The following PALLD variants were observed in gnomAD, a reference collection of about 807,000 sequenced individuals.
The protein encoded by PALLD is palladin.
PALLD carries 61 observed loss-of-function variants against 123.5 expected under a neutral mutation model. The ratio of observed to expected loss-of-function variants is 0.49; its 90% CI spans 0.40 to 0.61. PALLD has a LOEUF of 0.61. PALLD is among the 20% of genes least tolerant of loss of function. The probability of loss-of-function intolerance (pLI) is 0.00; values close to 1 mark genes in which losing one functional copy is unlikely to be tolerated. For missense variants in PALLD, 1,273 were observed against 1,377.0 expected, an observed-to-expected ratio of 0.92 and a Z score of 1.20; for synonymous variants, 465 against 496.4, an observed-to-expected ratio of 0.94 and a Z score of 0.84.
chr4:168,820,891 C>T (rs1373954145), intron 10 of PALLD, among the ~76,000 whole-genome samples: 50 of 152,058 alleles, frequency 3.3e-4, no homozygotes, highest in Non-Finnish European at 1.5e-4. Context: ...ATAAATTTTG[C>T]AATGTTGTAT....
At chr4:168,529,678 T>C (rs1764422233) in intron 2 of PALLD, among the ~76,000 whole-genome samples, 4 of 152,216 alleles carry the variant, frequency 2.6e-5, no homozygotes, top group Non-Finnish European at 5.9e-5. Flanking sequence ...ATGGCTTCTG[T>C]AGTGGGAGTT....
At position 168,551,014 on chromosome 4, in the gene PALLD, C is replaced by T. The variant is rs375752604; in HGVS notation, c.908+38602C>T. Among the ~76,000 whole-genome samples the T allele has an allele frequency of 5.9e-5, 9 of 152,266 alleles. No individual in the cohort carries two copies. In the South Asian group the frequency reaches 1.2e-3, roughly 21 times the overall value. ...CAAGAATTTTCACATTTTATAAATCCAGTGACAAAGTTTAGAGTTATCTAT... is the reference window on the plus strand; with the variant it reads ...CAAGAATTTTCACATTTTATAAATCTAGTGACAAAGTTTAGAGTTATCTAT... On this transcript the variant is annotated intron_variant, in intron 2 of 21. Coordinates refer to ENST00000505667, the MANE Select transcript of PALLD (RefSeq NM_001166108.2).
chr4:168,499,212 G>GA (rs1262051149), intron 1 of PALLD, among the ~76,000 whole-genome samples: 1 of 120,960 alleles, frequency 8.3e-6, no homozygotes, highest in Non-Finnish European at 1.7e-5. Context: ...AAAAAGGAAG[G>GA]AAGAAAGAAA....
At chr4:168,888,593 T>A (rs1287714628) in intron 10 of PALLD, among the ~76,000 whole-genome samples, 1 of 152,216 alleles carries the variant, frequency 6.6e-6, no homozygotes, top group Non-Finnish European at 1.5e-5. Context: ...CTTCCTTCTG[T>A]TTCTTTTCAG....
intron 10 of PALLD, among the ~76,000 whole-genome samples, chr4:168,798,104 G>T (rs765432804): frequency 6.6e-6 from 1 of 152,292 alleles, no homozygotes; most frequent in Non-Finnish European, 1.5e-5. Context: ...CCAAGGCTCA[G>T]GGTTTGCAAT....
chr4:168,881,877 A>G (rs898730570), intron 10 of PALLD, among the ~76,000 whole-genome samples: 1 of 152,198 alleles, frequency 6.6e-6, no homozygotes, highest in Non-Finnish European at 1.5e-5. Context: ...GCCGACAGGC[A>G]TAGTGTGGCA....
chr4:168,500,977 A>G (rs1414462013), intron 1 of PALLD, among the ~76,000 whole-genome samples: 1 of 152,260 alleles, frequency 6.6e-6, no homozygotes, highest in Non-Finnish European at 1.5e-5. Context: ...CATACCAATG[A>G]AAACTTATTT....
chr4:168,536,445 T>C (rs1263715970), intron 2 of PALLD: 1 of 152,204 alleles, frequency 6.6e-6, no homozygotes, highest in Non-Finnish European at 1.5e-5. Flanking sequence ...TATTTGACCG[T>C]GTTCACACTG....
chr4:168,712,951 C>T (rs911823677), intron 10 of PALLD, among the ~76,000 whole-genome samples: 40 of 152,156 alleles, frequency 2.6e-4, no homozygotes, highest in African/African-American at 9.2e-4. Context: ...AACACCTTAC[C>T]TTTGTACATC....
chr4:168,527,240 C>T (rs866712061), intron 2 of PALLD, among the ~76,000 whole-genome samples: 38 of 151,822 alleles, frequency 2.5e-4, no homozygotes, highest in African/African-American at 8.0e-4. Context: ...CTGACCAACA[C>T]GGAGAAACCC....
chr4:168,873,820 G>A (rs1212669997), intron 10 of PALLD, among the ~76,000 whole-genome samples: 1 of 152,184 alleles, frequency 6.6e-6, no homozygotes, highest in Non-Finnish European at 1.5e-5. Flanking sequence ...GCCTCCTAGG[G>A]TTGGTGTGTG....
At chr4:168,811,776 TCACACACACACACACA>T (rs58914714) in intron 10 of PALLD, among the ~76,000 whole-genome samples, 4 of 143,636 alleles carry the variant, frequency 2.8e-5, no homozygotes, top group African/African-American at 1.0e-4. Context: ...TCTCTCTCTC[TCACACACACACACACA>T]CACACACACA....
chr4:168,799,640 T>TG (rs1397495599), intron 10 of PALLD, among the ~76,000 whole-genome samples: 1 of 152,204 alleles, frequency 6.6e-6, no homozygotes, highest in Non-Finnish European at 1.5e-5. Flanking sequence ...ACCAAGATTT[T>TG]TGTGTGTGTG....
rs70961551 is a variant in PALLD, at chr4:168,689,432, CTTTTTTTTTTTTTTTTTTTT to C, written c.1336-1157_1336-1138del. ...TACACCTTACATTCGATCCAATATT[CTTTTTTTTTTTTTTTTTTTT>C]TTTTTTTTTTTTTGAGATGGAGTCT... is the stretch of plus-strand genomic sequence containing the variant. On this transcript the variant is annotated intron_variant, in intron 6 of 21. Transcript: ENST00000505667. 3.7e-3 allele frequency among the ~76,000 whole-genome samples: 185 copies of C among 49,876 alleles called. 1 individual carries two copies. Among genetic ancestry groups the C allele is most frequent in the African/African-American group, 0.012 (172 of 14,504 alleles). 32.7% of individuals were successfully genotyped at this position (49,876 alleles called of 152,430 possible). A position where few individuals can be genotyped will look rare whatever the true frequency, so the allele number is the denominator to read the frequency against.
In PALLD at chr4:168,725,414, A is replaced by T. The variant is rs368819116; in HGVS notation, c.1964+13491A>T. 2.0e-5 allele frequency among the ~76,000 whole-genome samples: 3 copies of T among 151,528 alleles called. No individual in the cohort carries two copies. In the East Asian group the frequency reaches 5.8e-4, roughly 29 times the overall value. ...GTTCATATACCATCTGGTTTCGGGG[A>T]TGTATCATTATGCTCAATGTTTGAA... On this transcript the variant is annotated intron_variant, in intron 10 of 21. Coordinates refer to ENST00000505667, the MANE Select transcript of PALLD (RefSeq NM_001166108.2).
At chr4:168,789,680 G>C (rs1737226853) in intron 10 of PALLD, among the ~76,000 whole-genome samples, 1 of 148,056 alleles carries the variant, frequency 6.8e-6, no homozygotes, top group South Asian at 2.1e-4. Context: ...TTCCAGCCTG[G>C]CAACAGAGCG....
intron 3 of PALLD, among the ~76,000 whole-genome samples, chr4:168,681,069 AT>A (rs1355354909): frequency 6.6e-6 from 1 of 152,222 alleles, no homozygotes; most frequent in Non-Finnish European, 1.5e-5. Context: ...GACCACAGTG[AT>A]AAAAATGAAA....
At chr4:168,813,158 G>A (rs960870483) in intron 10 of PALLD, among the ~76,000 whole-genome samples, 31 of 152,166 alleles carry the variant, frequency 2.0e-4, no homozygotes, top group African/African-American at 7.5e-4. Context: ...TTTAATGACC[G>A]AGGTGATGTA....
At chr4:168,859,584 G>A (rs1749133509) in intron 10 of PALLD, among the ~76,000 whole-genome samples, 1 of 152,180 alleles carries the variant, frequency 6.6e-6, no homozygotes, top group Admixed American at 6.5e-5. Flanking sequence ...CCACTATCAT[G>A]GACAAATCTA....
Sources: gnomAD v4.1 joint callset for allele counts (sites outside exome capture counted in the v4.1 genomes callset) on GRCh38, gnomAD v4.1.1 for gene constraint, MANE v1.5 for transcripts, NCBI Gene and HGNC (gene_info 2026-07-23, HGNC 2026-07-21) for gene names.